ITGA4: variants seen among roughly 807,000 people sequenced by gnomAD.
ITGA4 encodes integrin subunit alpha 4, also known as integrin alpha-4.
Under a neutral mutation model 133.6 loss-of-function variants are expected in ITGA4, and 63 were observed. That is an observed-to-expected ratio of 0.47 (90% CI 0.38 to 0.58). The LOEUF is 0.58. Among genes scored for constraint, ITGA4 ranks in the 20% least tolerant of loss-of-function variants. The pLI, the probability that ITGA4 is intolerant of heterozygous loss-of-function variation, is 0.00. For missense variants in ITGA4, 1,076 were observed against 1,252.7 expected (o/e 0.86, Z 2.13); for synonymous variants, 483 against 438.0 (o/e 1.10, Z -1.28).
At chr2:181,457,384 G>T (rs1475120199), upstream of ITGA4, 2 of 410,194 alleles carry the variant, frequency 4.9e-6, no homozygotes, top group Admixed American at 9.2e-5. Context: ...CCCGTACCCG[G>T]AGAAGCAGCG....
chr2:181,512,830 G>T (rs535681095), intron 17 of ITGA4, among the ~76,000 whole-genome samples: 6 of 152,074 alleles, frequency 3.9e-5, no homozygotes, highest in African/African-American at 1.2e-4. Context: ...AGAAAGGAGA[G>T]TATACTGGGA....
chr2:181,475,402 A>G, intron 4 of ITGA4, 114 bp downstream of exon 4: 2 of 822,520 alleles, frequency 2.4e-6, no homozygotes, highest in Non-Finnish European at 3.8e-6. Flanking sequence ...CTTCTAAGTA[A>G]TTATGTTCTT....
At chr2:181,490,298 T>C (rs165416) in intron 10 of ITGA4, among the ~76,000 whole-genome samples, 148,775 of 152,162 alleles carry the variant, frequency 0.98, 72,840 homozygotes, top group Middle Eastern at 1. Context: ...GTCTCCTCCT[T>C]TAATTCTACT....
chr2:181,538,316 C>A lies in ITGA4; in HGVS notation c.*2789C>A, dbSNP rs1042887224. 2.5e-5 allele frequency: 20 copies of A among 803,804 alleles called. No individual in the cohort carries two copies. Among genetic ancestry groups the A allele is most frequent in the Non-Finnish European group, 3.9e-5 (18 of 465,824 alleles). The allele number at this position is 803,804 out of a possible 1,614,324, so 49.8% of individuals were successfully genotyped here. On this transcript the variant is annotated 3_prime_UTR_variant, in exon 28 of 28. Coordinates refer to ENST00000397033, the MANE Select transcript of ITGA4 (RefSeq NM_000885.6). ...ACATACACCTAATAAGTATGGTACACAATGCCAATGCCAAATACAAATTGA... is the reference window on the plus strand; with the variant it reads ...ACATACACCTAATAAGTATGGTACAAAATGCCAATGCCAAATACAAATTGA...
rs201499473 is a variant in ITGA4, at chr2:181,534,955, C to T, written c.3003+20C>T. 6.2e-5 allele frequency: 95 copies of T among 1,538,542 alleles called. No homozygotes were observed. The highest frequency in any genetic ancestry group is 7.3e-5 in the Non-Finnish European group (84 of 1,147,556). Reference sequence around the variant, plus strand: ...TGGAAGGTAAGCATTTAACAATTACCAACATTAGTCTACTAAAAATGACAT... The same window carrying T: ...TGGAAGGTAAGCATTTAACAATTACTAACATTAGTCTACTAAAAATGACAT... On this transcript the variant is annotated intron_variant, in intron 27 of 27. Coordinates refer to ENST00000397033, the MANE Select transcript of ITGA4 (RefSeq NM_000885.6).
rs149404645 is a variant in ITGA4, at chr2:181,530,127, A to G, written c.2539-397A>G. The stretch of plus-strand genomic sequence containing the variant: ...AACAGGTTGAAGACAAAAGTCAACA[A>G]ATCTACTAAATAGGTTTGAGGTCTG... On this transcript the variant is annotated intron_variant, in intron 23 of 27. Coordinates refer to ENST00000397033, the MANE Select transcript of ITGA4 (RefSeq NM_000885.6). 4.8e-3 allele frequency among the ~76,000 whole-genome samples: 736 copies of G among 152,362 alleles called. 8 individuals are homozygous for G. The highest frequency in any genetic ancestry group is 0.017 in the African/African-American group (688 of 41,582).
rs1687251851 is a variant in ITGA4, at chr2:181,537,928, TTAGATTCTCA to T, written c.*2406_*2415del. On this transcript the variant is annotated 3_prime_UTR_variant, in exon 28 of 28. Transcript: ENST00000397033. The stretch of plus-strand genomic sequence containing the variant: ...TCCCCCTGTCAGATCAGCAGCAGCA[TTAGATTCTCA>T]TAGAAGTGCGAACCATATGGTGAAC... 1.7e-6 allele frequency: 1 copy of T among 596,856 alleles called. No homozygotes were observed. Among genetic ancestry groups the T allele is most frequent in the South Asian group, 1.5e-5 (1 of 65,696 alleles). The allele number at this position is 596,856 out of a possible 1,614,324, so 37.0% of individuals were successfully genotyped here. A position where few individuals can be genotyped will look rare whatever the true frequency, so the allele number is the denominator to read the frequency against.
At chr2:181,528,892 C>T (rs774444325) in intron 22 of ITGA4, among the ~76,000 whole-genome samples, 1 of 152,188 alleles carries the variant, frequency 6.6e-6, no homozygotes, top group Non-Finnish European at 1.5e-5. Flanking sequence ...TTATCATCCT[C>T]TTATGCATTT....
In ITGA4 at chr2:181,475,406, T is replaced by C. The variant is rs1685652435; in HGVS notation, c.556+118T>C. ...GAGAGGGAGATCTTCTAAGTAATTATGTTCTTTTTAACTACTCAATTTCTT... is the reference window on the plus strand; with the variant it reads ...GAGAGGGAGATCTTCTAAGTAATTACGTTCTTTTTAACTACTCAATTTCTT... On this transcript the variant is annotated intron_variant, in intron 4 of 27. Transcript: ENST00000397033. The C allele has an allele frequency of 1.4e-5, 11 of 808,008 alleles. No homozygotes were observed. The South Asian group carries it at 1.9e-4, about 14-fold the overall frequency. 50.1% of individuals were successfully genotyped at this position (808,008 alleles called of 1,614,324 possible).
intron 26 of ITGA4, among the ~76,000 whole-genome samples, 194 bp downstream of exon 26, chr2:181,534,564 A>G (rs974026653): frequency 1.1e-4 from 17 of 152,086 alleles, no homozygotes; most frequent in African/African-American, 3.6e-4. Context: ...GTTCTTTCAG[A>G]GAGGTGAATT....
chr2:181,458,544 C>T, intron 2 of ITGA4: 1 of 551,586 alleles, frequency 1.8e-6, no homozygotes, highest in Non-Finnish European at 3.2e-6. Flanking sequence ...AGTACTCTGA[C>T]AACTATGCTA....
chr2:181,457,877 C>T lies in ITGA4; in HGVS notation c.197+26C>T, dbSNP rs750099873. 1.5e-5 allele frequency: 23 copies of T among 1,577,932 alleles called. No individual in the cohort carries two copies. The East Asian group carries it at 5.0e-4, about 34-fold the overall frequency. On this transcript the variant is annotated intron_variant, in intron 1 of 27. Transcript: ENST00000397033. Reference sequence around the variant, plus strand: ...GTGAGTAGAGTTGGACTGATGCGCCCTCAGCAGCTCAGAGCGGCGTGAGAA... The same window carrying T: ...GTGAGTAGAGTTGGACTGATGCGCCTTCAGCAGCTCAGAGCGGCGTGAGAA...
intron 2 of ITGA4, 171 bp downstream of exon 2, chr2:181,458,488 C>T: frequency 1.4e-6 from 1 of 697,726 alleles, no homozygotes; most frequent in Non-Finnish European, 2.4e-6. Flanking sequence ...AAAGGGATTC[C>T]CTTTCTGTTA....
chr2:181,498,036 A>G (rs1286123643), intron 14 of ITGA4, among the ~76,000 whole-genome samples: 1 of 152,096 alleles, frequency 6.6e-6, no homozygotes, highest in Non-Finnish European at 1.5e-5. Context: ...AACCAATAAC[A>G]CACAGAGGAA....
intron 21 of ITGA4, among the ~76,000 whole-genome samples, chr2:181,526,844 T>TTTTTTTTTTTTTTTTTTTC (rs1353900682): frequency 8.0e-6 from 1 of 125,140 alleles, no homozygotes; most frequent in Non-Finnish European, 1.7e-5. Flanking sequence ...TTTTTTTTTT[T>TTTTTTTTTTTTTTTTTTTC]TTTTTTTTTA....
In ITGA4 at chr2:181,538,637, T is replaced by G. The variant is rs926802399; in HGVS notation, c.*3110T>G. Reference sequence around the variant, plus strand: ...TATGTAAAATTGTTCCCAAGGGAAGTTGAATGCTCTGTAAAGGCCTAATAA... The same window carrying G: ...TATGTAAAATTGTTCCCAAGGGAAGGTGAATGCTCTGTAAAGGCCTAATAA... On this transcript the variant is annotated 3_prime_UTR_variant, in exon 28 of 28. Coordinates refer to ENST00000397033, the MANE Select transcript of ITGA4 (RefSeq NM_000885.6). Among the ~76,000 whole-genome samples the G allele has an allele frequency of 6.6e-6, 1 of 152,124 alleles. No homozygotes were observed. Among genetic ancestry groups the G allele is most frequent in the African/African-American group, 2.4e-5 (1 of 41,420 alleles).
At chr2:181,490,295 C>T (rs1429192430) in intron 10 of ITGA4, among the ~76,000 whole-genome samples, 1 of 151,996 alleles carries the variant, frequency 6.6e-6, no homozygotes, top group Non-Finnish European at 1.5e-5. Flanking sequence ...GTGGTCTCCT[C>T]CTTTAATTCT....
chr2:181,511,619 A>G lies in ITGA4; in HGVS notation c.1846-80A>G, dbSNP rs992342444. The G allele has an allele frequency of 4.2e-6, 3 of 713,504 alleles. No individual in the cohort carries two copies. In the South Asian group the frequency reaches 5.2e-5, roughly 12 times the overall value. The allele number at this position is 713,504 out of a possible 1,614,324, so 44.2% of individuals were successfully genotyped here. A position where few individuals can be genotyped will look rare whatever the true frequency, so the allele number is the denominator to read the frequency against. ...CAATTTTATTTTTCTCATGCATCAC[A>G]GGTGTCGTCATCTTTAAAATATATA... On this transcript the variant is annotated intron_variant, in intron 16 of 27. Coordinates refer to ENST00000397033, the MANE Select transcript of ITGA4 (RefSeq NM_000885.6).
At chr2:181,505,846 A>G (rs1274242203) in intron 15 of ITGA4, among the ~76,000 whole-genome samples, 1 of 152,112 alleles carries the variant, frequency 6.6e-6, no homozygotes, top group Non-Finnish European at 1.5e-5. Context: ...AAGAATTAAA[A>G]CAGTGGACAT....
Sources: gnomAD v4.1 joint callset for allele counts (sites outside exome capture counted in the v4.1 genomes callset) on GRCh38, gnomAD v4.1.1 for gene constraint, MANE v1.5 for transcripts, NCBI Gene and HGNC (gene_info 2026-07-23, HGNC 2026-07-21) for gene names.